PDGFD: variants seen among roughly 807,000 people sequenced by gnomAD.
PDGFD encodes the protein platelet-derived growth factor D.
PDGFD carries 30 observed loss-of-function variants against 44.7 expected under a neutral mutation model. The ratio of observed to expected loss-of-function variants is 0.67; its 90% confidence interval spans 0.50 to 0.91. The LOEUF is 0.91. Ranked by LOEUF, PDGFD falls within the 40% of genes least tolerant of loss-of-function variation. The probability of loss-of-function intolerance (pLI) is 0.00; values close to 1 mark genes in which losing one functional copy is unlikely to be tolerated. For synonymous variants in PDGFD, 173 were observed against 168.4 expected, an observed-to-expected ratio of 1.03 and a Z score of -0.21; for missense variants, 445 against 457.8, an observed-to-expected ratio of 0.97 and a Z score of 0.25.
chr11:104,109,760 T>C (rs953877224), intron 1 of PDGFD, among the ~76,000 whole-genome samples: 2 of 152,036 alleles, frequency 1.3e-5, no homozygotes, highest in Admixed American at 6.6e-5. Context: ...CTATCTAAGA[T>C]ACATCATTAA....
At chr11:104,093,921 A>G (rs78319225) in intron 1 of PDGFD, among the ~76,000 whole-genome samples, 5,929 of 150,074 alleles carry the variant, frequency 0.04, 160 homozygotes, top group Non-Finnish European at 0.062. Context: ...AACCTTCTCC[A>G]GCTATTGCCC....
intron 1 of PDGFD, among the ~76,000 whole-genome samples, chr11:104,092,591 C>T (rs1478674148): frequency 2.6e-5 from 4 of 152,050 alleles, no homozygotes; most frequent in Non-Finnish European, 5.9e-5. Flanking sequence ...TTAAAACATG[C>T]CTCCAGAAAA....
Position 103,983,982 on chromosome 11 carries a change from A to G in PDGFD, c.510+12083T>C, listed in dbSNP as rs182669512. On this transcript the variant is annotated intron_variant, in intron 3 of 6. Transcript: ENST00000393158. ...AAGTGTAAATCAGTTCAGCCATGGCAGAAGACAGTGTGGTGACTCCTCAAT... is the reference window on the plus strand; with the variant it reads ...AAGTGTAAATCAGTTCAGCCATGGCGGAAGACAGTGTGGTGACTCCTCAAT... Among the ~76,000 whole-genome samples the G allele has an allele frequency of 1.4e-3, 205 of 151,804 alleles. 4 individuals carry two copies. Among genetic ancestry groups the G allele is most frequent in the African/African-American group, 4.9e-3 (201 of 41,162 alleles).
At chr11:104,128,178 G>A (rs1182822215) in intron 1 of PDGFD, among the ~76,000 whole-genome samples, 1 of 142,094 alleles carries the variant, frequency 7.0e-6, no homozygotes, top group African/African-American at 2.6e-5. Flanking sequence ...ACCTGAGAAG[G>A]AGAGACGAGT....
chr11:104,094,911 A>G (rs1346869508), intron 1 of PDGFD, among the ~76,000 whole-genome samples: 1 of 152,076 alleles, frequency 6.6e-6, no homozygotes, highest in Admixed American at 6.6e-5. Context: ...AATGCCCACA[A>G]AACTTTGCAT....
intron 1 of PDGFD, among the ~76,000 whole-genome samples, chr11:104,101,094 C>A (rs150170955): frequency 0.055 from 8,363 of 152,062 alleles, 359 homozygotes; most frequent in African/African-American, 0.12. Context: ...GTTGGAAGTT[C>A]TGGCCAGGGC....
At chr11:103,916,355 C>T (rs1372527244) in intron 6 of PDGFD, among the ~76,000 whole-genome samples, 2 of 152,198 alleles carry the variant, frequency 1.3e-5, no homozygotes, top group Non-Finnish European at 2.9e-5. Flanking sequence ...CATCATTGGT[C>T]GTTAGAGAAA....
chr11:103,937,433 C>A (rs1302413970), intron 5 of PDGFD, among the ~76,000 whole-genome samples: 1 of 152,074 alleles, frequency 6.6e-6, no homozygotes, highest in Non-Finnish European at 1.5e-5. Flanking sequence ...CCGTTAATGT[C>A]CAGTCAGGGC....
chr11:104,086,299 G>T (rs73608358), intron 1 of PDGFD, among the ~76,000 whole-genome samples: 1 of 152,124 alleles, frequency 6.6e-6, no homozygotes, highest in Non-Finnish European at 1.5e-5. Context: ...GCACTCACTC[G>T]TCTATGTAAA....
At chr11:104,099,443 C>G (rs1861336029) in intron 1 of PDGFD, among the ~76,000 whole-genome samples, 1 of 151,832 alleles carries the variant, frequency 6.6e-6, no homozygotes, top group African/African-American at 2.4e-5. Context: ...AGTACTAGAC[C>G]AGCCTGGGCA....
intron 3 of PDGFD, among the ~76,000 whole-genome samples, chr11:103,979,153 C>G (rs1000765210): frequency 1.2e-4 from 18 of 152,032 alleles, no homozygotes; most frequent in African/African-American, 4.1e-4. Flanking sequence ...TTTCTGCAGT[C>G]TAAATTATAC....
intron 1 of PDGFD, among the ~76,000 whole-genome samples, chr11:104,130,184 G>C (rs1565343986): frequency 6.6e-6 from 1 of 152,106 alleles, no homozygotes; most frequent in Non-Finnish European, 1.5e-5. Flanking sequence ...AATACAAGGG[G>C]TATATGATGA....
chr11:104,101,483 T>C (rs112759913), intron 1 of PDGFD, among the ~76,000 whole-genome samples: 5 of 151,894 alleles, frequency 3.3e-5, no homozygotes, highest in Middle Eastern at 3.4e-3. Context: ...ATCAATATCG[T>C]GAAAATGGTC....
intron 1 of PDGFD, among the ~76,000 whole-genome samples, chr11:104,151,898 T>C (rs1168542223): frequency 6.6e-6 from 1 of 152,012 alleles, no homozygotes; most frequent in East Asian, 1.9e-4. Flanking sequence ...TATAGTTTGA[T>C]CATCAAGACG....
chr11:104,039,688 C>T (rs1860315901), intron 1 of PDGFD, among the ~76,000 whole-genome samples: 2 of 151,760 alleles, frequency 1.3e-5, no homozygotes, highest in Non-Finnish European at 2.9e-5. Context: ...ATGCAATTAA[C>T]AAAAAAAGAC....
Position 103,965,421 on chromosome 11 carries a change from G to T in PDGFD, c.511-17697C>A, listed in dbSNP as rs530785240. Among the ~76,000 whole-genome samples, 6 of 152,280 alleles carry T rather than the reference G, an allele frequency of 3.9e-5. No individual in the cohort carries two copies. The South Asian group carries it at 6.2e-4, about 16-fold the overall frequency. ...ATCATCATCAAAAGTGGTCAGCCAG[G>T]TGCTGTATCTTTATTTTCAGCTGCC... On this transcript the variant is annotated intron_variant, in intron 3 of 6. Transcript: ENST00000393158.
chr11:104,052,290 A>T (rs546815843), intron 1 of PDGFD, among the ~76,000 whole-genome samples: 1 of 152,194 alleles, frequency 6.6e-6, no homozygotes, highest in Non-Finnish European at 1.5e-5. Context: ...AGTGAAAACA[A>T]TAAGTAAAAC....
chr11:104,058,197 A>G (rs543527328), intron 1 of PDGFD, among the ~76,000 whole-genome samples: 1 of 152,382 alleles, frequency 6.6e-6, no homozygotes, highest in South Asian at 2.1e-4. Context: ...AAACACTTTA[A>G]GAAACTGAAA....
intron 1 of PDGFD, among the ~76,000 whole-genome samples, chr11:104,079,197 A>G (rs1861009204): frequency 6.6e-6 from 1 of 152,192 alleles, no homozygotes; most frequent in Non-Finnish European, 1.5e-5. Context: ...GCAGGTAAAA[A>G]AAAGAGTCTG....
Sources: gnomAD v4.1 joint callset for allele counts (sites outside exome capture counted in the v4.1 genomes callset) on GRCh38, gnomAD v4.1.1 for gene constraint, MANE v1.5 for transcripts, NCBI Gene and HGNC (gene_info 2026-07-23, HGNC 2026-07-21) for gene names.